TMEM132B: variants seen among roughly 807,000 people sequenced by gnomAD.
The protein encoded by TMEM132B is transmembrane protein 132B.
Under a neutral mutation model 90.8 loss-of-function variants are expected in TMEM132B, and 18 were observed. The observed-to-expected ratio is 0.20, with a 90% CI of 0.14 to 0.29. TMEM132B has a LOEUF of 0.29. Ranked by LOEUF, TMEM132B falls within the 10% of genes least tolerant of loss-of-function variation. The pLI is 1.00. For synonymous variants in TMEM132B, 504 were observed against 523.3 expected (o/e 0.96, Z 0.50); for missense variants, 1,096 against 1,326.8 (o/e 0.83, Z 2.70).
intron 1 of TMEM132B, among the ~76,000 whole-genome samples, chr12:125,308,079 T>TATATATACTTATAATACTAGTATATTAC: frequency 7.3e-6 from 1 of 136,574 alleles, no homozygotes; most frequent in Admixed American, 7.6e-5. Context: ...AAGTATATTA[T>TATATATACTTATAATACTAGTATATTAC]AAGTATATAT....
rs1157633533 is a variant in TMEM132B at position 125,459,947 on chromosome 12, G to GT, written c.1106+44271dup. Among the ~76,000 whole-genome samples, 3 of 152,190 alleles carry GT rather than the reference G, an allele frequency of 2.0e-5. No homozygotes were observed. In the East Asian group the frequency reaches 5.8e-4, roughly 29 times the overall value. On this transcript the variant is annotated intron_variant, in intron 3 of 8. Transcript: ENST00000682704. The surrounding 1 kb of genome is among the most constrained non-coding windows in gnomAD (Gnocchi z 4.1). Reference sequence around the variant, plus strand: ...ATTTCCCTCTCTTGCCTGCTGCCATGTAAGACGTGCCTTTCACCTTCCACC... The same window carrying GT: ...ATTTCCCTCTCTTGCCTGCTGCCATGTTAAGACGTGCCTTTCACCTTCCACC...
intron 1 of TMEM132B, among the ~76,000 whole-genome samples, chr12:125,235,611 GC>G (rs1022448991): frequency 6.6e-5 from 10 of 151,982 alleles, no homozygotes; most frequent in African/African-American, 2.4e-4. Context: ...TCATTGAGCA[GC>G]CACTCCCTAA....
intron 5 of TMEM132B, 65 bp downstream of exon 5, chr12:125,584,059 C>T: frequency 2.5e-6 from 4 of 1,608,612 alleles, no homozygotes; most frequent in South Asian, 1.1e-5. Context: ...CTTCTTTTGT[C>T]TCCAAGGTCT....
At chr12:125,357,202 C>T (rs1218444937) in intron 2 of TMEM132B, among the ~76,000 whole-genome samples, 1 of 152,200 alleles carries the variant, frequency 6.6e-6, no homozygotes, top group Non-Finnish European at 1.5e-5. Flanking sequence ...GTAACAATTT[C>T]ATAAATATTG....
intron 2 of TMEM132B, among the ~76,000 whole-genome samples, chr12:125,351,175 T>C (rs7965525): frequency 0.28 from 42,403 of 152,126 alleles, 6,140 homozygotes; most frequent in Admixed American, 0.37. Flanking sequence ...TCATGGGCCA[T>C]GTAGTCTCTC....
intron 3 of TMEM132B, among the ~76,000 whole-genome samples, chr12:125,425,904 A>G (rs909706348): frequency 7.2e-5 from 11 of 152,188 alleles, no homozygotes; most frequent in African/African-American, 2.7e-4. Flanking sequence ...TGCTACTATA[A>G]ACGTTCATAT....
At chr12:125,343,664 A>T (rs185000232) in intron 1 of TMEM132B, among the ~76,000 whole-genome samples, 84 of 152,360 alleles carry the variant, frequency 5.5e-4, no homozygotes, top group African/African-American at 1.9e-3. Flanking sequence ...GTCTAACAGA[A>T]CTTATTTTAC....
intron 6 of TMEM132B, among the ~76,000 whole-genome samples, chr12:125,645,217 C>CAA (rs57035989): frequency 0.021 from 1,509 of 73,258 alleles, 22 homozygotes; most frequent in South Asian, 0.034. Context: ...GACTCCGTCT[C>CAA]AAAAAAAAAA....
At chr12:125,275,840 A>C (rs1874971789) in intron 1 of TMEM132B, among the ~76,000 whole-genome samples, 1 of 152,180 alleles carries the variant, frequency 6.6e-6, no homozygotes, top group African/African-American at 2.4e-5. Flanking sequence ...CAGCCTCCTG[A>C]ATAGCTGGCA....
intron 2 of TMEM132B, among the ~76,000 whole-genome samples, chr12:125,357,847 A>T (rs1877831493): frequency 1.3e-5 from 2 of 152,194 alleles, no homozygotes; most frequent in Admixed American, 1.3e-4. Context: ...GCCCTGGGAA[A>T]CCTGGCTGGT....
At chr12:125,557,533 A>G (rs1478685422) in intron 4 of TMEM132B, among the ~76,000 whole-genome samples, 1 of 152,198 alleles carries the variant, frequency 6.6e-6, no homozygotes, top group African/African-American at 2.4e-5. Context: ...TCACTAATCT[A>G]TCTACTATCC....
chr12:125,511,427 C>T (rs1882975377), intron 3 of TMEM132B, among the ~76,000 whole-genome samples: 1 of 152,120 alleles, frequency 6.6e-6, no homozygotes, highest in African/African-American at 2.4e-5. Flanking sequence ...TAGAAATTTA[C>T]CAGAAACTCT....
rs1348272638 is a variant in TMEM132B at position 125,656,110 on chromosome 12, A to G, written c.*1400A>G. On this transcript the variant is annotated 3_prime_UTR_variant, in exon 9 of 9. Transcript: ENST00000682704. ...AATGTTTAAATAAAAATGTTATTTT[A>G]ATAGCATCATGAATGGTCTTAAGGC... 1.3e-5 allele frequency: 2 copies of G among 152,256 alleles called. No homozygotes were observed. The highest frequency in any genetic ancestry group is 2.9e-5 in the Non-Finnish European group (2 of 68,050). The allele number at this position is 152,256 out of a possible 1,614,324, so 9.4% of individuals were successfully genotyped here.
intron 1 of TMEM132B, among the ~76,000 whole-genome samples, chr12:125,273,476 A>G (rs767022352): frequency 1.2e-4 from 18 of 152,286 alleles, no homozygotes; most frequent in Non-Finnish European, 7.4e-5. Flanking sequence ...AGTCCCAGCT[A>G]CTTGGGAGGC....
At chr12:125,228,301 C>T (rs912911770) in intron 1 of TMEM132B, among the ~76,000 whole-genome samples, 1 of 152,182 alleles carries the variant, frequency 6.6e-6, no homozygotes, top group Admixed American at 6.5e-5. Flanking sequence ...GTTAGCACCC[C>T]GGGGCTCCAG....
intron 2 of TMEM132B, among the ~76,000 whole-genome samples, chr12:125,394,718 C>T (rs1242829857): frequency 6.6e-6 from 1 of 152,136 alleles, no homozygotes; most frequent in African/African-American, 2.4e-5. Context: ...GAAGAAAGTT[C>T]TGTGCTGTAA....
intron 5 of TMEM132B, among the ~76,000 whole-genome samples, chr12:125,630,024 T>C (rs1886323710): frequency 6.6e-6 from 1 of 152,148 alleles, no homozygotes; most frequent in Admixed American, 6.5e-5. Context: ...TCTAATGTAT[T>C]GTTGAATTCA....
At chr12:125,448,692 A>G (rs1881068692) in intron 3 of TMEM132B, among the ~76,000 whole-genome samples, 1 of 152,220 alleles carries the variant, frequency 6.6e-6, no homozygotes, top group Non-Finnish European at 1.5e-5. Context: ...ATACTCAGGA[A>G]TGGGAATTCT....
intron 2 of TMEM132B, among the ~76,000 whole-genome samples, chr12:125,404,337 CT>C (rs572618906): frequency 7.1e-4 from 108 of 152,182 alleles, no homozygotes; most frequent in African/African-American, 2.5e-3. Context: ...AGACATTTGC[CT>C]TTGCCTAGGG....
Sources: allele counts gnomAD v4.1 joint callset (sites outside exome capture counted in the v4.1 genomes callset), GRCh38; gene constraint gnomAD v4.1.1; non-coding constraint Gnocchi (gnomAD v3.1); transcripts MANE v1.5; gene names NCBI Gene and HGNC (gene_info 2026-07-23, HGNC 2026-07-21).